Variants in CMTR2 observed in about 807,000 individuals in gnomAD.
CMTR2 encodes the protein cap methyltransferase 2.
CMTR2 carries 40 observed loss-of-function variants against 49.8 expected under a neutral mutation model. The observed-to-expected ratio is 0.80, with a 90% CI of 0.62 to 1.04. The LOEUF (loss-of-function observed/expected upper bound fraction) is 1.04, where lower values mean the gene tolerates loss of function less well. Ranked by LOEUF, CMTR2 falls within the 50% of genes least tolerant of loss-of-function variation. The pLI is 0.00. For synonymous variants in CMTR2, 326 were observed against 315.8 expected (o/e 1.03, Z -0.34); for missense variants, 907 against 897.2 (o/e 1.01, Z -0.14).
Position 71,285,616 on chromosome 16 carries a change from A to C in CMTR2, c.305T>G (p.Val102Gly). 6.2e-7 allele frequency: 1 copy of C among 1,614,154 alleles called. No homozygotes were observed. The highest frequency in any genetic ancestry group is 8.5e-7 in the Non-Finnish European group (1 of 1,179,982). Residue 102 changes from valine (V) to glycine (G), a missense_variant, in exon 3 of 3, where the codon GTT (valine) becomes GGT (glycine). Physicochemically the swap from Val to Gly is moderately radical, Grantham distance 109. Coordinates refer to ENST00000434935, the MANE Select transcript of CMTR2 (RefSeq NM_018348.6). The part of the protein sequence containing the change: ...TNKAGKIISH[V>G]RKSVNAELCT... ...AAGTTCAGCATTCACAGATTTTCTA[A>C]CATGAGAAATGATTTTCCCCGCTTT...
intron 2 of CMTR2, chr16:71,288,063 C>T (rs2041760522): frequency 6.6e-6 from 1 of 152,184 alleles, no homozygotes; most frequent in Non-Finnish European, 1.5e-5. Context: ...GACACTCCAC[C>T]GTTCTGACTA....
Position 71,285,878 on chromosome 16 carries a change from G to A in CMTR2, c.43C>T (p.Pro15Ser), listed in dbSNP as rs545597868. The change falls in exon 3 of 3, where the codon CCC becomes TCC. Residue 15 changes from proline to serine, a missense_variant. By Grantham distance (74) the Pro-to-Ser change is moderately conservative. Transcript: ENST00000434935. Reference protein sequence around the residue: ...RKTPVQQLASPASFSPDILAD... With the variant: ...RKTPVQQLASSASFSPDILAD... Reference sequence around the variant, plus strand: ...AGAATATCTGGGCTGAATGACGCGGGACTTGCTAGCTGCTGAACTGGTGTC... The same window carrying A: ...AGAATATCTGGGCTGAATGACGCGGAACTTGCTAGCTGCTGAACTGGTGTC... The A allele has an allele frequency of 1.9e-6, 3 of 1,608,378 alleles. No individual in the cohort carries two copies. The South Asian group carries it at 3.3e-5, about 18-fold the overall frequency.
In CMTR2 at chr16:71,283,620, C is replaced by A; in HGVS notation, c.2301G>T (p.Gln767His). 2 of 1,610,616 alleles carry A rather than the reference C, an allele frequency of 1.2e-6. No homozygotes were observed. The highest frequency in any genetic ancestry group is 2.2e-5 in the South Asian group (2 of 90,538). ...AGAAAGCATATGTTCAGTTTTGTAA[C>A]TGAAGGCTGTTGATAATTTCTTCTC... Reference protein sequence around the residue: ...REREEIINSLQLQN With the variant: ...REREEIINSLHLQN Residue 767 changes from glutamine (Q) to histidine (H), a missense_variant, in exon 3 of 3, where the codon CAG (glutamine) becomes CAT (histidine). Gln to His is a conservative substitution (Grantham distance 24). Transcript: ENST00000434935.
In CMTR2 at chr16:71,283,626, G is replaced by A. The variant is rs780714561; in HGVS notation, c.2295C>T (p.Ser765=). 4 of 1,610,952 alleles carry A rather than the reference G, an allele frequency of 2.5e-6. No individual in the cohort carries two copies. The highest frequency in any genetic ancestry group is 1.1e-5 in the South Asian group (1 of 90,658). The change falls in exon 3 of 3, where the codon AGC becomes AGT. Residue 765 remains serine, a synonymous_variant. Coordinates refer to ENST00000434935, the MANE Select transcript of CMTR2 (RefSeq NM_018348.6). ...IQREREEIIN[S]LQLQN ...CATATGTTCAGTTTTGTAACTGAAG[G>A]CTGTTGATAATTTCTTCTCTCTCTC...
Position 71,284,053 on chromosome 16 carries a change from T to G in CMTR2, c.1868A>C (p.Gln623Pro). 6.2e-7 allele frequency: 1 copy of G among 1,614,064 alleles called. No individual in the cohort carries two copies. The highest frequency in any genetic ancestry group is 8.5e-7 in the Non-Finnish European group (1 of 1,179,944). Reference sequence around the variant, plus strand: ...TAGAAGGCAGTCCAAAAATAAACGCTGGTAAGTTGGATCTCCATCATGAAG... The same window carrying G: ...TAGAAGGCAGTCCAAAAATAAACGCGGGTAAGTTGGATCTCCATCATGAAG... ...SLLHDGDPTY[Q>P]RLFLDCLLHS... The change falls in exon 3 of 3, where the codon CAG becomes CCG. Residue 623 changes from glutamine (Q) to proline (P), a missense_variant. Coordinates refer to ENST00000434935, the MANE Select transcript of CMTR2 (RefSeq NM_018348.6).
At chr16:71,289,663 A>AGGGGGAGGGGGAGGGGGC (rs1259857977), upstream of CMTR2, 1 of 11,770 alleles carries the variant, frequency 8.5e-5, no homozygotes, top group Non-Finnish European at 1.6e-4. Flanking sequence ...GGGGAGGGGG[A>AGGGGGAGGGGGAGGGGGC]GGGAGGGAAG....
Position 71,281,932 on chromosome 16 carries a change from T to TAATA in CMTR2, c.*1675_*1676insTATT, listed in dbSNP as rs1447349393. On this transcript the variant is annotated 3_prime_UTR_variant, in exon 3 of 3. Transcript: ENST00000434935. ...CCACTTAGCAAGGCATAAAGACTAT[T>TAATA]AAGTGCAAAATGGTTTTCCAAGAGT... 21 of 144,470 alleles carry TAATA rather than the reference T, an allele frequency of 1.5e-4. No individual in the cohort carries two copies. The highest frequency in any genetic ancestry group is 2.0e-4 in the East Asian group (1 of 4,938). 8.9% of individuals were successfully genotyped at this position (144,470 alleles called of 1,614,324 possible).
chr16:71,285,168 A>C lies in CMTR2; in HGVS notation c.753T>G (p.Val251=). The C allele has an allele frequency of 3.1e-6, 5 of 1,614,180 alleles. No homozygotes were observed. Among genetic ancestry groups the C allele is most frequent in the Non-Finnish European group, 4.2e-6 (5 of 1,179,982 alleles). ...QGNPGEQEAL[V]SSLHYCEVVT... Reference sequence around the variant, plus strand: ...CAACTTCACAGTAATGCAAAGAAGAAACTAAAGCTTCTTGTTCACCTGGGT... The same window carrying C: ...CAACTTCACAGTAATGCAAAGAAGACACTAAAGCTTCTTGTTCACCTGGGT... The change falls in exon 3 of 3, where the codon GTT becomes GTG. Residue 251 remains valine (V), a synonymous_variant. Transcript: ENST00000434935.
At position 71,285,138 on chromosome 16, in the gene CMTR2, A is replaced by T; in HGVS notation, c.783T>A (p.Thr261=). The T allele has an allele frequency of 6.2e-7, 1 of 1,614,188 alleles. No homozygotes were observed. Among genetic ancestry groups the T allele is most frequent in the South Asian group, 1.1e-5 (1 of 91,090 alleles). ...VSSLHYCEVV[T]ALTTLGNGGS... Reference sequence around the variant, plus strand: ...CACCGTTTCCAAGAGTGGTCAGAGCAGTGACAACTTCACAGTAATGCAAAG... The same window carrying T: ...CACCGTTTCCAAGAGTGGTCAGAGCTGTGACAACTTCACAGTAATGCAAAG... The change falls in exon 3 of 3, where the codon ACT becomes ACA. Residue 261 remains threonine (T), a synonymous_variant. Transcript: ENST00000434935.
In CMTR2 at chr16:71,287,104, T is replaced by C. The variant is rs1405357018; in HGVS notation, c.-19-1165A>G. The C allele has an allele frequency of 5.9e-5, 9 of 152,210 alleles. No homozygotes were observed. In the East Asian group the frequency reaches 1.2e-3, roughly 20 times the overall value. 9.4% of individuals were successfully genotyped at this position (152,210 alleles called of 1,614,324 possible). A position where few individuals can be genotyped will look rare whatever the true frequency, so the allele number is the denominator to read the frequency against. On this transcript the variant is annotated intron_variant, in intron 2 of 2. Coordinates refer to ENST00000434935, the MANE Select transcript of CMTR2 (RefSeq NM_018348.6). ...CTTTAGTTCACAAATTCTGCACTTATTTAGCATACACAATGCATTCTACAA... is the reference window on the plus strand; with the variant it reads ...CTTTAGTTCACAAATTCTGCACTTACTTAGCATACACAATGCATTCTACAA...
intron 2 of CMTR2, 79 bp from the exon 3 acceptor site, chr16:71,286,018 C>G (rs1241698064): frequency 4.8e-6 from 5 of 1,041,176 alleles, no homozygotes; most frequent in Non-Finnish European, 6.9e-6. Flanking sequence ...TACGATCACA[C>G]TCATGACAAA....
rs1337825749 is a variant in CMTR2, at chr16:71,283,836, T to G, written c.2085A>C (p.Pro695=). 2 of 1,613,930 alleles carry G rather than the reference T, an allele frequency of 1.2e-6. No homozygotes were observed. The highest frequency in any genetic ancestry group is 3.3e-5 in the Admixed American group (2 of 60,000). ...VLLCVGYQDL[P]NPVFRYLQSV... ...TCTGCAAATATCGGAAAACTGGATTTGGAAGGTCCTGATAACCAACACATA... is the reference window on the plus strand; with the variant it reads ...TCTGCAAATATCGGAAAACTGGATTGGGAAGGTCCTGATAACCAACACATA... The change falls in exon 3 of 3, where the codon CCA becomes CCC. Residue 695 remains proline, a synonymous_variant. Transcript: ENST00000434935.
In CMTR2 at chr16:71,285,095, T is replaced by A. The variant is rs773875734; in HGVS notation, c.826A>T (p.Met276Leu). The change falls in exon 3 of 3, where the codon ATG becomes TTG. Residue 276 changes from methionine to leucine, a missense_variant. Physicochemically the swap from Met to Leu is conservative, Grantham distance 15. Coordinates refer to ENST00000434935, the MANE Select transcript of CMTR2 (RefSeq NM_018348.6). Reference protein sequence around the residue: ...LGNGGSFVLKMFTMFEHCSIN... With the variant: ...LGNGGSFVLKLFTMFEHCSIN... The stretch of plus-strand genomic sequence containing the variant: ...GAACAATGTTCAAACATAGTAAACA[T>A]CTTTAGAACAAAAGAGCCACCGTTT... 1 of 1,613,986 alleles carries A rather than the reference T, an allele frequency of 6.2e-7. No individual in the cohort carries two copies. Among genetic ancestry groups the A allele is most frequent in the Non-Finnish European group, 8.5e-7 (1 of 1,179,858 alleles).
At chr16:71,286,848 T>A (rs1297146754) in intron 2 of CMTR2, 1 of 152,112 alleles carries the variant, frequency 6.6e-6, no homozygotes, top group Non-Finnish European at 1.5e-5. Flanking sequence ...CAGAATTTTA[T>A]ACTGAAGAAA....
intron 2 of CMTR2, chr16:71,286,920 C>A (rs778194222): frequency 3.9e-5 from 6 of 151,922 alleles, no homozygotes; most frequent in Non-Finnish European, 8.8e-5. Context: ...GTCAACACTG[C>A]CAAAGAAACC....
chr16:71,287,211 G>A (rs1567509372), intron 2 of CMTR2: 1 of 152,102 alleles, frequency 6.6e-6, no homozygotes, highest in Non-Finnish European at 1.5e-5. Flanking sequence ...AGATGTTCAA[G>A]GACAAAATGA....
At chr16:71,286,237 T>C (rs190724807) in intron 2 of CMTR2, among the ~76,000 whole-genome samples, 1 of 151,336 alleles carries the variant, frequency 6.6e-6, no homozygotes. Flanking sequence ...AAGAAGAAGA[T>C]AAAACATACT....
rs1167131284 is a variant in CMTR2 at position 71,284,441 on chromosome 16, A to G, written c.1480T>C (p.Trp494Arg). The G allele has an allele frequency of 4.3e-6, 7 of 1,614,014 alleles. No homozygotes were observed. The highest frequency in any genetic ancestry group is 1.7e-5 in the Admixed American group (1 of 60,028). ...AGTTTCTTTCCCTCCAAAATATGCC[A>G]TAAGTGACACTCAAGATTGGAAGCT... ...GTASNLECHL[W>R]HILEGKKLPK... is the part of the protein sequence containing the mutation. Residue 494 changes from tryptophan to arginine, a missense_variant, in exon 3 of 3, where the codon TGG (tryptophan) becomes CGG (arginine). Coordinates refer to ENST00000434935, the MANE Select transcript of CMTR2 (RefSeq NM_018348.6).
intron 2 of CMTR2, chr16:71,287,713 T>A (rs1334109514): frequency 6.6e-6 from 1 of 152,212 alleles, no homozygotes; most frequent in East Asian, 1.9e-4. Flanking sequence ...GGATTACAGG[T>A]GTCAGCCACT....
Sources: allele counts gnomAD v4.1 joint callset (sites outside exome capture counted in the v4.1 genomes callset), GRCh38; gene constraint gnomAD v4.1.1; transcripts MANE v1.5; gene names NCBI Gene and HGNC (gene_info 2026-07-23, HGNC 2026-07-21).